ARHGEF38: variants seen among roughly 807,000 people sequenced by gnomAD.
ARHGEF38 encodes the protein Rho guanine nucleotide exchange factor 38, also known as Rho guanine nucleotide exchange factor (GEF) 38.
Under a neutral mutation model 79.9 loss-of-function variants are expected in ARHGEF38, and 79 were observed. The ratio of observed to expected loss-of-function variants is 0.99; its 90% CI spans 0.82 to 1.19. ARHGEF38 has a LOEUF of 1.19. Among genes scored for constraint, ARHGEF38 ranks in the 50% most tolerant of loss-of-function variants. The pLI is 0.00. For missense variants in ARHGEF38, 962 were observed against 907.2 expected (o/e 1.06, Z -0.78); for synonymous variants, 366 against 328.3 (o/e 1.11, Z -1.24).
In ARHGEF38 at chr4:105,613,416, C is replaced by T; in HGVS notation, c.417C>T (p.Ser139=). 1.1e-5 allele frequency: 18 copies of T among 1,613,256 alleles called. No individual in the cohort carries two copies. Among genetic ancestry groups the T allele is most frequent in the Non-Finnish European group, 1.5e-5 (18 of 1,179,430 alleles). Residue 139 remains serine, a synonymous_variant, in exon 3 of 14, where the codon AGC becomes AGT. Coordinates refer to ENST00000420470, the MANE Select transcript of ARHGEF38 (RefSeq NM_001242729.2). The part of the protein sequence containing the change: ...TDRLDVDSLF[S]NIESVHQISA... ...GGCTGGATGTGGATAGCTTGTTTAG[C>T]AACATTGAGTCCGTGCATCAGATAT...
At chr4:105,613,837 T>G (rs1484356055) in intron 3 of ARHGEF38, among the ~76,000 whole-genome samples, 1 of 152,154 alleles carries the variant, frequency 6.6e-6, no homozygotes, top group Non-Finnish European at 1.5e-5. Flanking sequence ...TATTTAAATA[T>G]TCTAATAGCT....
At chr4:105,580,066 G>A (rs996430617) in intron 1 of ARHGEF38, among the ~76,000 whole-genome samples, 1 of 151,734 alleles carries the variant, frequency 6.6e-6, no homozygotes, top group African/African-American at 2.4e-5. Flanking sequence ...TGAGGTCAGT[G>A]GTATTACCTC....
At position 105,667,558 on chromosome 4, in the gene ARHGEF38, T is replaced by A. The variant is rs1225679898; in HGVS notation, c.2003T>A (p.Phe668Tyr). 6.5e-7 allele frequency: 1 copy of A among 1,536,704 alleles called. No homozygotes were observed. The highest frequency in any genetic ancestry group is 1.2e-5 in the South Asian group (1 of 84,064). Residue 668 changes from phenylalanine (F) to tyrosine (Y), a missense_variant, in exon 13 of 14, where the codon TTC becomes TAC. Transcript: ENST00000420470. ...CDDDFENISL[F>Y]VSSRPASDSV... Reference sequence around the variant, plus strand: ...GATGATTTTGAGAACATCAGCCTCTTCGTGTCTTCACGGCCAGCTAGTGAC... The same window carrying A: ...GATGATTTTGAGAACATCAGCCTCTACGTGTCTTCACGGCCAGCTAGTGAC...
At chr4:105,671,065 G>C (rs1216759177) in intron 13 of ARHGEF38, among the ~76,000 whole-genome samples, 1 of 152,154 alleles carries the variant, frequency 6.6e-6, no homozygotes. Flanking sequence ...AAATGAGATA[G>C]TATTTCAAAA....
chr4:105,583,170 C>T (rs1043221720), intron 1 of ARHGEF38, among the ~76,000 whole-genome samples: 1 of 152,172 alleles, frequency 6.6e-6, no homozygotes, highest in Admixed American at 6.5e-5. Flanking sequence ...ACTGCTTTCT[C>T]TCCTCTACTG....
chr4:105,641,631 A>G (rs1004690649), intron 5 of ARHGEF38, among the ~76,000 whole-genome samples: 2 of 152,092 alleles, frequency 1.3e-5, no homozygotes, highest in Non-Finnish European at 2.9e-5. Flanking sequence ...GGAAATTCAA[A>G]GTAATATAGT....
intron 1 of ARHGEF38, among the ~76,000 whole-genome samples, chr4:105,586,650 T>G (rs1444099746): frequency 6.6e-6 from 1 of 152,242 alleles, no homozygotes; most frequent in Non-Finnish European, 1.5e-5. Flanking sequence ...CAGGAAAAAC[T>G]TCCTTCTCCT....
chr4:105,633,326 A>G (rs1236483832), intron 4 of ARHGEF38, among the ~76,000 whole-genome samples: 1 of 152,200 alleles, frequency 6.6e-6, no homozygotes, highest in Non-Finnish European at 1.5e-5. Flanking sequence ...CAGTAGAATT[A>G]TTGACATTAC....
intron 6 of ARHGEF38, among the ~76,000 whole-genome samples, chr4:105,647,010 A>T (rs1368781779): frequency 6.6e-6 from 1 of 152,208 alleles, no homozygotes; most frequent in Non-Finnish European, 1.5e-5. Flanking sequence ...CCCTTTAGGG[A>T]TCATACATGG....
At chr4:105,658,395 G>A (rs902785763) in intron 9 of ARHGEF38, among the ~76,000 whole-genome samples, 1 of 152,080 alleles carries the variant, frequency 6.6e-6, no homozygotes, top group South Asian at 2.1e-4. Flanking sequence ...GTGAGACCCT[G>A]TCTCAAAATT....
chr4:105,612,757 G>A (rs2110491182), intron 2 of ARHGEF38, among the ~76,000 whole-genome samples: 1 of 152,138 alleles, frequency 6.6e-6, no homozygotes, highest in East Asian at 1.9e-4. Flanking sequence ...ATTATTTGAT[G>A]AAAGGATGGA....
intron 1 of ARHGEF38, among the ~76,000 whole-genome samples, chr4:105,582,883 T>G (rs747660995): frequency 6.6e-6 from 1 of 152,246 alleles, no homozygotes; most frequent in Non-Finnish European, 1.5e-5. Context: ...GGACACTTTA[T>G]CACTATATAG....
intron 2 of ARHGEF38, among the ~76,000 whole-genome samples, chr4:105,591,727 T>C (rs938137377): frequency 2.6e-5 from 4 of 152,172 alleles, no homozygotes; most frequent in Non-Finnish European, 5.9e-5. Flanking sequence ...GCTTACTATA[T>C]GTCAGATCTT....
chr4:105,559,914 C>G lies in ARHGEF38; in HGVS notation c.196+6953C>G, dbSNP rs371065700. On this transcript the variant is annotated intron_variant, in intron 1 of 13. Coordinates refer to ENST00000420470, the MANE Select transcript of ARHGEF38 (RefSeq NM_001242729.2). ...GCTGTCACACACACTGTTACTGAAT[C>G]CCAACTTCTCTTCTGTTCAGTTCTG... Among the ~76,000 whole-genome samples, 40 of 152,250 alleles carry G rather than the reference C, an allele frequency of 2.6e-4. 2 individuals carry two copies. The East Asian group carries it at 3.1e-3, about 12-fold the overall frequency.
chr4:105,620,315 G>A (rs1054599445), intron 3 of ARHGEF38, among the ~76,000 whole-genome samples: 2 of 152,158 alleles, frequency 1.3e-5, no homozygotes, highest in Non-Finnish European at 2.9e-5. Flanking sequence ...CCTGTTGCTA[G>A]ATGTGCGATC....
At chr4:105,664,096 T>A (rs766175689) in intron 10 of ARHGEF38, among the ~76,000 whole-genome samples, 1 of 152,238 alleles carries the variant, frequency 6.6e-6, no homozygotes, top group Non-Finnish European at 1.5e-5. Flanking sequence ...AATGCTGCAA[T>A]GACCATAGGT....
intron 2 of ARHGEF38, among the ~76,000 whole-genome samples, chr4:105,609,315 T>A (rs898838024): frequency 5.9e-5 from 9 of 152,084 alleles, no homozygotes; most frequent in Non-Finnish European, 1.3e-4. Context: ...AAAGTGTGGA[T>A]TTATTTCTGG....
intron 1 of ARHGEF38, among the ~76,000 whole-genome samples, chr4:105,568,143 T>C (rs192981872): frequency 0.016 from 2,371 of 151,924 alleles, 70 homozygotes; most frequent in African/African-American, 0.055. Context: ...TAGTATTCCA[T>C]GGTGTATATG....
In ARHGEF38 at chr4:105,613,403, A is replaced by G. The variant is rs1224501758; in HGVS notation, c.404A>G (p.Asp135Gly). 3 of 1,613,170 alleles carry G rather than the reference A, an allele frequency of 1.9e-6. No individual in the cohort carries two copies. Among genetic ancestry groups the G allele is most frequent in the Non-Finnish European group, 2.5e-6 (3 of 1,179,438 alleles). The change falls in exon 3 of 14, where the codon GAT (aspartate) becomes GGT (glycine). Residue 135 changes from aspartate to glycine, a missense_variant. Asp to Gly is a moderately conservative substitution (Grantham distance 94). Transcript: ENST00000420470. ...CTTCAGACTGATAGGCTGGATGTGG[A>G]TAGCTTGTTTAGCAACATTGAGTCC... ...RNKKTDRLDVDSLFSNIESVH... is the reference protein window; with the variant it reads ...RNKKTDRLDVGSLFSNIESVH...
Sources: allele counts gnomAD v4.1 joint callset (sites outside exome capture counted in the v4.1 genomes callset), GRCh38; gene constraint gnomAD v4.1.1; transcripts MANE v1.5; gene names NCBI Gene and HGNC (gene_info 2026-07-23, HGNC 2026-07-21).